SLC10A7: variants seen among roughly 807,000 people sequenced by gnomAD.
SLC10A7 encodes the protein sodium/bile acid cotransporter 7.
In SLC10A7, 29 loss-of-function variants were observed where a neutral mutation model predicts 43.2. The ratio of observed to expected loss-of-function variants is 0.67; its 90% CI spans 0.50 to 0.92. The LOEUF is 0.92. Among genes scored for constraint, SLC10A7 ranks in the 40% least tolerant of loss-of-function variants. The pLI, the probability that SLC10A7 is intolerant of heterozygous loss-of-function variation, is 0.00. For synonymous variants in SLC10A7, 152 were observed against 144.8 expected (o/e 1.05, Z -0.35); for missense variants, 295 against 403.2 (o/e 0.73, Z 2.30).
chr4:146,305,078 T>G (rs1731455634), intron 7 of SLC10A7, among the ~76,000 whole-genome samples: 1 of 151,534 alleles, frequency 6.6e-6, no homozygotes. Flanking sequence ...TTACTGGGTA[T>G]ATACCCAAAG....
intron 5 of SLC10A7, among the ~76,000 whole-genome samples, chr4:146,345,833 T>G (rs905652867): frequency 2.0e-5 from 3 of 152,172 alleles, no homozygotes; most frequent in Admixed American, 6.6e-5. Context: ...AATAAATACA[T>G]GAATAATAGG....
intron 5 of SLC10A7, among the ~76,000 whole-genome samples, chr4:146,346,662 A>G (rs1734643086): frequency 6.6e-6 from 1 of 152,208 alleles, no homozygotes; most frequent in African/African-American, 2.4e-5. Context: ...ATTACAAAAC[A>G]GTTTCATGAG....
At chr4:146,519,092 T>C (rs1398349156) in intron 1 of SLC10A7, among the ~76,000 whole-genome samples, 2 of 115,552 alleles carry the variant, frequency 1.7e-5, no homozygotes, top group East Asian at 2.3e-4. Context: ...TATATATATA[T>C]ATATATATAT....
intron 6 of SLC10A7, among the ~76,000 whole-genome samples, chr4:146,321,338 C>T (rs1732690335): frequency 6.6e-6 from 1 of 152,046 alleles, no homozygotes; most frequent in South Asian, 2.1e-4. Flanking sequence ...TAATCTCTGC[C>T]TCCATCATCA....
chr4:146,491,198 C>T (rs1296018484), intron 4 of SLC10A7, among the ~76,000 whole-genome samples: 1 of 152,044 alleles, frequency 6.6e-6, no homozygotes, highest in East Asian at 1.9e-4. Flanking sequence ...GAGGTCCTTA[C>T]TGTAGGTGCT....
chr4:146,324,868 G>C (rs1478224708), intron 6 of SLC10A7, among the ~76,000 whole-genome samples: 1 of 152,126 alleles, frequency 6.6e-6, no homozygotes, highest in Non-Finnish European at 1.5e-5. Flanking sequence ...AAAGTGATCT[G>C]ATTATTTGAC....
chr4:146,318,028 G>A (rs998958139), intron 6 of SLC10A7, among the ~76,000 whole-genome samples: 3 of 151,866 alleles, frequency 2.0e-5, no homozygotes, highest in Non-Finnish European at 4.4e-5. Context: ...CCTTTCTCCT[G>A]CTCAAGGACA....
chr4:146,394,287 A>G lies in SLC10A7; in HGVS notation c.435+48496T>C, dbSNP rs76494175. Among the ~76,000 whole-genome samples, 174 of 152,314 alleles carry G rather than the reference A, an allele frequency of 1.1e-3. 1 individual carries two copies. In the East Asian group the frequency reaches 0.02, roughly 17 times the overall value. On this transcript the variant is annotated intron_variant, in intron 5 of 11. Coordinates refer to ENST00000335472, the MANE Select transcript of SLC10A7 (RefSeq NM_001029998.6). ...TCTTTTATCTACCAGTGCTGTGACT[A>G]AATAACAAAATCAATAGGTATTGTT...
chr4:146,349,749 A>C (rs577378022), intron 5 of SLC10A7, among the ~76,000 whole-genome samples: 11 of 152,314 alleles, frequency 7.2e-5, no homozygotes, highest in Non-Finnish European at 1.0e-4. Flanking sequence ...TAAGCAAATT[A>C]ATGCACATTC....
At chr4:146,484,068 C>T (rs552634268) in intron 4 of SLC10A7, among the ~76,000 whole-genome samples, 1 of 152,220 alleles carries the variant, frequency 6.6e-6, no homozygotes, top group Non-Finnish European at 1.5e-5. Flanking sequence ...ATGAAAAGAT[C>T]AGGCCAGGTG....
chr4:146,472,739 T>C (rs1296197398), intron 4 of SLC10A7, among the ~76,000 whole-genome samples: 1 of 152,204 alleles, frequency 6.6e-6, no homozygotes, highest in Non-Finnish European at 1.5e-5. Flanking sequence ...TGGTGCCCAA[T>C]TACTTTACTA....
chr4:146,449,679 C>T (rs563169107), intron 4 of SLC10A7, among the ~76,000 whole-genome samples: 2 of 152,194 alleles, frequency 1.3e-5, no homozygotes, highest in South Asian at 4.1e-4. Context: ...ACCACCACCA[C>T]CACCACCACA....
intron 4 of SLC10A7, among the ~76,000 whole-genome samples, chr4:146,481,361 C>T (rs369897089): frequency 8.8e-4 from 134 of 152,322 alleles, no homozygotes; most frequent in African/African-American, 3.1e-3. Flanking sequence ...CTGTGCCCCA[C>T]GCCCCACAAG....
intron 5 of SLC10A7, among the ~76,000 whole-genome samples, chr4:146,388,765 AC>A: frequency 1.0e-5 from 1 of 97,278 alleles, no homozygotes; most frequent in African/African-American, 3.9e-5. Flanking sequence ...TCAAAAAACA[AC>A]AACAACAAAA....
chr4:146,300,402 G>C (rs914022320), intron 7 of SLC10A7, among the ~76,000 whole-genome samples: 3 of 152,178 alleles, frequency 2.0e-5, no homozygotes, highest in Non-Finnish European at 4.4e-5. Flanking sequence ...CCTATAAAGT[G>C]AGTGCACTTC....
intron 5 of SLC10A7, among the ~76,000 whole-genome samples, chr4:146,396,387 A>C (rs1738825368): frequency 6.6e-6 from 1 of 152,154 alleles, no homozygotes; most frequent in Non-Finnish European, 1.5e-5. Context: ...AAAAGCTTTA[A>C]ATCAAATAAA....
chr4:146,508,851 A>C (rs961248781), intron 3 of SLC10A7, among the ~76,000 whole-genome samples: 15 of 152,222 alleles, frequency 9.9e-5, no homozygotes, highest in Admixed American at 7.9e-4. Context: ...TGTAGCACTC[A>C]GAATAAAATC....
At chr4:146,274,494 G>A (rs530466444) in intron 10 of SLC10A7, among the ~76,000 whole-genome samples, 3 of 152,186 alleles carry the variant, frequency 2.0e-5, no homozygotes, top group East Asian at 1.9e-4. Context: ...ATGAGCCACC[G>A]TGCCTGGCCT....
chr4:146,391,348 C>T (rs1738412993), intron 5 of SLC10A7, among the ~76,000 whole-genome samples: 1 of 152,174 alleles, frequency 6.6e-6, no homozygotes, highest in Admixed American at 6.5e-5. Context: ...AAATCAATGT[C>T]TCTAAAAAGA....
Sources: gnomAD v4.1 joint callset for allele counts (sites outside exome capture counted in the v4.1 genomes callset) on GRCh38, gnomAD v4.1.1 for gene constraint, MANE v1.5 for transcripts, NCBI Gene and HGNC (gene_info 2026-07-23, HGNC 2026-07-21) for gene names.